Variants in GLIS3 observed in about 807,000 individuals in gnomAD.
The protein encoded by GLIS3 is zinc finger protein GLIS3.
A neutral mutation model predicts 78.6 loss-of-function variants in GLIS3; 53 were observed. The ratio of observed to expected loss-of-function variants is 0.67; its 90% CI spans 0.54 to 0.85. GLIS3 has a LOEUF of 0.85. GLIS3 is among the 40% of genes least tolerant of loss of function. The pLI, the probability that GLIS3 is intolerant of heterozygous loss-of-function variation, is 0.00. For missense variants in GLIS3, 1,703 were observed against 1,231.1 expected, an observed-to-expected ratio of 1.38 and a Z score of -5.74; for synonymous variants, 684 against 509.9, an observed-to-expected ratio of 1.34 and a Z score of -4.60.
intron 2 of GLIS3, among the ~76,000 whole-genome samples, chr9:4,134,802 CG>C (rs932068960): frequency 6.6e-6 from 1 of 152,074 alleles, no homozygotes; most frequent in Non-Finnish European, 1.5e-5. Flanking sequence ...AAAGAATAAG[CG>C]GGGATGAGTA....
the GLIS3 span, among the ~76,000 whole-genome samples, chr9:4,434,226 A>G: frequency 6.6e-6 from 1 of 152,064 alleles, no homozygotes; most frequent in African/African-American, 2.4e-5. Context: ...TTTATTCCAC[A>G]TATGTTTTAT....
At chr9:4,428,635 G>A in the GLIS3 span, among the ~76,000 whole-genome samples, 4 of 151,974 alleles carry the variant, frequency 2.6e-5, no homozygotes, top group Admixed American at 2.6e-4. Context: ...CTACCCACAA[G>A]TCTGGGGCCT....
chr9:4,357,437 C>T, the GLIS3 span, among the ~76,000 whole-genome samples: 2 of 152,162 alleles, frequency 1.3e-5, no homozygotes, highest in East Asian at 3.8e-4. Flanking sequence ...AGATTTTACA[C>T]TATCGCTCTC....
At chr9:4,252,460 C>A (rs1366490871) in intron 2 of GLIS3, among the ~76,000 whole-genome samples, 4 of 151,976 alleles carry the variant, frequency 2.6e-5, no homozygotes, top group Non-Finnish European at 4.4e-5. Context: ...TCCATCAGGT[C>A]ATTTATGTTC....
At chr9:4,393,839 G>T in the GLIS3 span, among the ~76,000 whole-genome samples, 1 of 151,870 alleles carries the variant, frequency 6.6e-6, no homozygotes, top group Non-Finnish European at 1.5e-5. Flanking sequence ...TTTCTTTTAC[G>T]TTGTTAAACA....
the GLIS3 span, among the ~76,000 whole-genome samples, chr9:4,483,955 T>C: frequency 6.6e-6 from 1 of 152,196 alleles, no homozygotes; most frequent in Non-Finnish European, 1.5e-5. Flanking sequence ...ACTGAGATAC[T>C]GAGAGGACCA....
intron 2 of GLIS3, among the ~76,000 whole-genome samples, chr9:4,133,877 G>T (rs559571815): frequency 1.0e-5 from 1 of 97,132 alleles, no homozygotes; most frequent in African/African-American, 3.6e-5. Context: ...CACACACACC[G>T]TACATCTGTC....
intron 2 of GLIS3, among the ~76,000 whole-genome samples, chr9:4,320,889 G>C (rs1414705119): frequency 1.3e-5 from 2 of 152,098 alleles, no homozygotes; most frequent in East Asian, 3.9e-4. Context: ...ACTGAAGGCA[G>C]GTAAGTTTTT....
At chr9:4,275,641 T>A (rs1012943610) in intron 2 of GLIS3, among the ~76,000 whole-genome samples, 2 of 149,284 alleles carry the variant, frequency 1.3e-5, no homozygotes, top group African/African-American at 4.9e-5. Context: ...TACACCCCTG[T>A]GGTCTCAGCT....
At chr9:3,833,262 C>T (rs1818152176) in intron 9 of GLIS3, among the ~76,000 whole-genome samples, 1 of 152,142 alleles carries the variant, frequency 6.6e-6, no homozygotes, top group Non-Finnish European at 1.5e-5. Context: ...TTAAATCTCT[C>T]CAAGTAGCCA....
At chr9:4,001,914 C>G (rs1821146900) in intron 4 of GLIS3, among the ~76,000 whole-genome samples, 1 of 152,178 alleles carries the variant, frequency 6.6e-6, no homozygotes, top group South Asian at 2.1e-4. Context: ...ACATCTTATT[C>G]TGGCCTGCCT....
At chr9:4,248,931 G>T (rs552758419) in intron 2 of GLIS3, among the ~76,000 whole-genome samples, 3 of 152,030 alleles carry the variant, frequency 2.0e-5, no homozygotes, top group East Asian at 1.9e-4. Flanking sequence ...TTTAGAAGGG[G>T]TGGTTATAGA....
chr9:3,843,672 T>C (rs1220545636), intron 9 of GLIS3, among the ~76,000 whole-genome samples: 2 of 152,210 alleles, frequency 1.3e-5, no homozygotes, highest in Non-Finnish European at 2.9e-5. Context: ...TATATTGATA[T>C]ATGAATGTAG....
intron 7 of GLIS3, among the ~76,000 whole-genome samples, chr9:3,894,770 T>C (rs58076784): frequency 0.048 from 7,309 of 152,152 alleles, 202 homozygotes; most frequent in Middle Eastern, 0.071. Flanking sequence ...TTTGGATAAT[T>C]CAACAGGAAT....
At chr9:3,831,998 G>T (rs112639423) in intron 9 of GLIS3, among the ~76,000 whole-genome samples, 133 of 151,582 alleles carry the variant, frequency 8.8e-4, no homozygotes, top group Non-Finnish European at 1.7e-3. Flanking sequence ...TTTAGCAATA[G>T]TGAAGAGCAA....
chr9:4,197,639 A>C (rs10974387), intron 2 of GLIS3, among the ~76,000 whole-genome samples: 10,131 of 152,210 alleles, frequency 0.067, 513 homozygotes, highest in East Asian at 0.22. Flanking sequence ...TGCCCTGCCC[A>C]TCTTGCCACC....
chr9:4,472,383 T>A, the GLIS3 span, among the ~76,000 whole-genome samples: 7 of 152,124 alleles, frequency 4.6e-5, no homozygotes, highest in Non-Finnish European at 1.0e-4. Flanking sequence ...ATAGACTGAA[T>A]TAAGAAAATG....
At chr9:4,182,097 G>A (rs1236814787) in intron 2 of GLIS3, among the ~76,000 whole-genome samples, 2 of 152,166 alleles carry the variant, frequency 1.3e-5, no homozygotes, top group East Asian at 1.9e-4. Context: ...ACATGCCAAC[G>A]AGAAGACAAG....
rs16919817 is a variant in GLIS3 at position 3,868,212 on chromosome 9, G to A, written c.2297+11215C>T. Among the ~76,000 whole-genome samples the A allele has an allele frequency of 6.0e-3, 907 of 152,320 alleles. 19 individuals are homozygous for A. Among genetic ancestry groups the A allele is most frequent in the East Asian group, 0.043 (223 of 5,180 alleles). On this transcript the variant is annotated intron_variant, in intron 8 of 10. Transcript: ENST00000381971. ...AGTGACCACAGAGCAGTGCTCACTA[G>A]ACAAATTGCAACCATAAGATGACAC... is the stretch of plus-strand genomic sequence containing the variant.
Sources: gnomAD v4.1 joint callset for allele counts (sites outside exome capture counted in the v4.1 genomes callset) on GRCh38, gnomAD v4.1.1 for gene constraint, MANE v1.5 for transcripts, NCBI Gene and HGNC (gene_info 2026-07-23, HGNC 2026-07-21) for gene names.